The following SHISA9 variants were observed in gnomAD, a reference collection of about 807,000 sequenced individuals.
SHISA9 encodes protein shisa-9.
Under a neutral mutation model 38.0 loss-of-function variants are expected in SHISA9, and 13 were observed. That is an observed-to-expected ratio of 0.34 (90% confidence interval 0.22 to 0.54). The LOEUF (loss-of-function observed/expected upper bound fraction) is 0.54. Among genes scored for constraint, SHISA9 ranks in the 20% least tolerant of loss-of-function variants. The pLI, the probability that SHISA9 is intolerant of heterozygous loss-of-function variation, is 0.91. For synonymous variants in SHISA9, 275 were observed against 242.0 expected, an observed-to-expected ratio of 1.14 and a Z score of -1.27; for missense variants, 538 against 575.8, an observed-to-expected ratio of 0.93 and a Z score of 0.67.
the SHISA9 span, among the ~76,000 whole-genome samples, chr16:13,518,067 A>C: frequency 1.3e-5 from 2 of 152,142 alleles, no homozygotes; most frequent in Non-Finnish European, 2.9e-5. Flanking sequence ...CTCCCAGCCC[A>C]GTCAGGACCT....
At chr16:13,545,097 A>C in the SHISA9 span, among the ~76,000 whole-genome samples, 1 of 152,232 alleles carries the variant, frequency 6.6e-6, no homozygotes, top group Non-Finnish European at 1.5e-5. Flanking sequence ...TGTGCCTTGC[A>C]TGTACTTTCC....
intron 2 of SHISA9, among the ~76,000 whole-genome samples, chr16:13,189,424 C>A (rs1227943548): frequency 2.0e-5 from 3 of 152,208 alleles, no homozygotes; most frequent in Non-Finnish European, 4.4e-5. Flanking sequence ...GGCATCGAAT[C>A]CTGATGTTGT....
intron 2 of SHISA9, among the ~76,000 whole-genome samples, chr16:13,012,488 G>C (rs1596583705): frequency 6.6e-6 from 1 of 152,292 alleles, no homozygotes; most frequent in East Asian, 1.9e-4. Context: ...ACAGGGACTG[G>C]GGAGGGAGAG....
intron 1 of SHISA9, among the ~76,000 whole-genome samples, chr16:12,907,352 C>T (rs1201477241): frequency 6.7e-6 from 1 of 148,250 alleles, no homozygotes; most frequent in Admixed American, 6.7e-5. Flanking sequence ...TTCCCCTCCC[C>T]TCTTCTCATC....
chr16:12,916,902 G>A, intron 2 of SHISA9, 87 bp downstream of exon 2: 1 of 1,441,238 alleles, frequency 6.9e-7, no homozygotes. Flanking sequence ...GTGTGCTTGG[G>A]TTAGTTAAGA....
At chr16:12,958,141 A>T (rs567662251) in intron 2 of SHISA9, among the ~76,000 whole-genome samples, 1 of 152,348 alleles carries the variant, frequency 6.6e-6, no homozygotes, top group East Asian at 1.9e-4. Flanking sequence ...GGGCCCCGAC[A>T]TCACTTCTGT....
intron 2 of SHISA9, among the ~76,000 whole-genome samples, chr16:13,055,468 C>G (rs1596615847): frequency 6.6e-6 from 1 of 152,174 alleles, no homozygotes; most frequent in South Asian, 2.1e-4. Flanking sequence ...TGAATGGCTC[C>G]TTCTCTCTAT....
chr16:13,520,380 A>C, the SHISA9 span, among the ~76,000 whole-genome samples: 1 of 152,004 alleles, frequency 6.6e-6, no homozygotes, highest in Non-Finnish European at 1.5e-5. Context: ...CGGGCAGATC[A>C]CGAGGTTGAG....
chr16:13,469,059 T>A, the SHISA9 span, among the ~76,000 whole-genome samples: 1 of 151,354 alleles, frequency 6.6e-6, no homozygotes, highest in East Asian at 1.9e-4. Context: ...CCTGGCCACA[T>A]GGTGAAACCC....
chr16:12,988,158 A>G (rs888826870), intron 2 of SHISA9, among the ~76,000 whole-genome samples: 2 of 152,248 alleles, frequency 1.3e-5, no homozygotes, highest in African/African-American at 4.8e-5. Flanking sequence ...CAGATGGACC[A>G]CAACAGGCAC....
intron 2 of SHISA9, among the ~76,000 whole-genome samples, chr16:13,033,068 C>T (rs189549276): frequency 1.3e-5 from 2 of 152,140 alleles, no homozygotes; most frequent in African/African-American, 2.4e-5. Flanking sequence ...TTTCCTGGTT[C>T]GCAACCATAC....
At chr16:13,557,075 C>T in the SHISA9 span, among the ~76,000 whole-genome samples, 15 of 152,136 alleles carry the variant, frequency 9.9e-5, no homozygotes, top group Non-Finnish European at 1.2e-4. Context: ...GCACTTAAAA[C>T]AGTGCCTGGC....
chr16:13,281,292 A>G, the SHISA9 span, among the ~76,000 whole-genome samples: 1 of 151,750 alleles, frequency 6.6e-6, no homozygotes, highest in African/African-American at 2.4e-5. Context: ...ATGGCTTCCT[A>G]TAGCTCTTAT....
chr16:12,940,377 C>T (rs1012605449), intron 2 of SHISA9, among the ~76,000 whole-genome samples: 2 of 152,124 alleles, frequency 1.3e-5, no homozygotes, highest in African/African-American at 4.8e-5. Flanking sequence ...AACCCCAGTC[C>T]ACATTCCTTT....
chr16:13,196,915 G>A (rs1239807683), intron 2 of SHISA9, among the ~76,000 whole-genome samples: 4 of 152,132 alleles, frequency 2.6e-5, no homozygotes, highest in South Asian at 2.1e-4. Context: ...CCAACATGGC[G>A]AAACCATATC....
chr16:13,379,371 C>A, the SHISA9 span, among the ~76,000 whole-genome samples: 1 of 152,150 alleles, frequency 6.6e-6, no homozygotes, highest in African/African-American at 2.4e-5. Flanking sequence ...ATCATACTGA[C>A]TTTTGGAGGG....
the SHISA9 span, among the ~76,000 whole-genome samples, chr16:13,495,307 C>T: frequency 1.3e-5 from 2 of 152,074 alleles, no homozygotes; most frequent in Non-Finnish European, 2.9e-5. Context: ...TTTTGATATT[C>T]TGCTAAAGTT....
chr16:13,120,270 T>A (rs181039948), intron 2 of SHISA9, among the ~76,000 whole-genome samples: 2 of 152,324 alleles, frequency 1.3e-5, no homozygotes, highest in East Asian at 3.9e-4. Context: ...AGTAGTGCAG[T>A]GAAAGCTGAT....
chr16:13,037,095 C>CAGACAGACAG (rs2073079735), intron 2 of SHISA9, among the ~76,000 whole-genome samples: 1 of 35,920 alleles, frequency 2.8e-5, no homozygotes, highest in African/African-American at 1.4e-4. Flanking sequence ...ACACCACACA[C>CAGACAGACAG]ACACACACAC....
Sources: allele counts gnomAD v4.1 joint callset (sites outside exome capture counted in the v4.1 genomes callset), GRCh38; gene constraint gnomAD v4.1.1; transcripts MANE v1.5; gene names NCBI Gene and HGNC (gene_info 2026-07-23, HGNC 2026-07-21).